Variants in GRIK5 observed in about 807,000 individuals in gnomAD.
GRIK5 encodes glutamate receptor ionotropic, kainate 5.
In GRIK5, 43 loss-of-function variants were observed where a neutral mutation model predicts 97.4. That is an observed-to-expected ratio of 0.44 (90% CI 0.35 to 0.57). GRIK5 has a LOEUF of 0.57. Among genes scored for constraint, GRIK5 ranks in the 20% least tolerant of loss-of-function variants. The probability of loss-of-function intolerance (pLI) is 0.01; values close to 1 mark genes in which losing one functional copy is unlikely to be tolerated. For missense variants in GRIK5, 1,015 were observed against 1,382.0 expected, an observed-to-expected ratio of 0.73 and a Z score of 4.21; for synonymous variants, 580 against 583.5, an observed-to-expected ratio of 0.99 and a Z score of 0.09.
intron 11 of GRIK5, among the ~76,000 whole-genome samples, chr19:42,050,182 A>G (rs975829274): frequency 1.5e-4 from 23 of 152,222 alleles, no homozygotes; most frequent in African/African-American, 5.1e-4. Context: ...CTCCCGCCTC[A>G]GTCTCCCAAA....
At chr19:42,035,444 C>T (rs1199344762) in intron 12 of GRIK5, among the ~76,000 whole-genome samples, 2 of 152,122 alleles carry the variant, frequency 1.3e-5, no homozygotes, top group Non-Finnish European at 2.9e-5. Flanking sequence ...TGGTGGCTTA[C>T]GCCTTTAATC....
At chr19:42,046,700 T>A (rs981227200) in intron 11 of GRIK5, among the ~76,000 whole-genome samples, 10 of 152,184 alleles carry the variant, frequency 6.6e-5, no homozygotes, top group African/African-American at 2.4e-4. Flanking sequence ...AATATGCTAC[T>A]CTTTGTTAAA....
At chr19:42,036,045 CTTTATTTA>C (rs1019913691) in intron 12 of GRIK5, among the ~76,000 whole-genome samples, 1 of 151,876 alleles carries the variant, frequency 6.6e-6, no homozygotes, top group African/African-American at 2.4e-5. Context: ...ATGAAATGGA[CTTTATTTA>C]TTTATTTATT....
In GRIK5 at chr19:42,042,631, C is replaced by T. The variant is rs776862511; in HGVS notation, c.1394G>A (p.Arg465Gln). The T allele has an allele frequency of 6.2e-6, 10 of 1,613,228 alleles. No individual in the cohort carries two copies. Among genetic ancestry groups the T allele is most frequent in the African/African-American group, 2.7e-5 (2 of 74,942 alleles). Residue 465 changes from arginine (R) to glutamine (Q), a missense_variant, in exon 12 of 20, where the codon CGG (arginine) becomes CAG (glutamine). Physicochemically the swap from Arg to Gln is conservative, Grantham distance 43. Around this residue, in one of 5 missense-constraint regions of GRIK5, gnomAD observed 477 missense variants for 701.1 expected, o/e 0.68. Transcript: ENST00000593562. The surrounding 1 kb of genome is among the most constrained non-coding windows in gnomAD (Gnocchi z 6.9). ...CCCGTACAGCCCATCCTCCACCAAC[C>T]GCAGGCGGTAGCGGAAGCGCAGCAG... ...AELLRFRYRL[R>Q]LVEDGLYGAP...
At position 42,056,992 on chromosome 19, in the gene GRIK5, G is replaced by T. The variant is rs1160743189; in HGVS notation, c.688-14C>A. On this transcript the variant is annotated splice_polypyrimidine_tract_variant and intron_variant, in intron 6 of 19. Coordinates refer to ENST00000593562, the MANE Select transcript of GRIK5 (RefSeq NM_002088.5). Reference sequence around the variant, plus strand: ...CAGTTCCGAGGCCTGGAAAACACAGGAGGCAAAGAGGCAGAGTGAGAGACA... The same window carrying T: ...CAGTTCCGAGGCCTGGAAAACACAGTAGGCAAAGAGGCAGAGTGAGAGACA... The T allele has an allele frequency of 1.3e-6, 2 of 1,548,524 alleles. No individual in the cohort carries two copies. The highest frequency in any genetic ancestry group is 1.7e-6 in the Non-Finnish European group (2 of 1,143,760).
rs371795867 is a variant in GRIK5 at position 42,056,048 on chromosome 19, C to T, written c.903+614G>A. On this transcript the variant is annotated intron_variant, in intron 8 of 19. Transcript: ENST00000593562. ...TCGCCCAGGCTGGAGTGCAATGGCA[C>T]GATCTCAGCTCACTGCAACCTCCGC... Among the ~76,000 whole-genome samples, 14 of 151,454 alleles carry T rather than the reference C, an allele frequency of 9.2e-5. 1 individual carries two copies. In the East Asian group the frequency reaches 1.2e-3, roughly 13 times the overall value.
rs1354612046 is a variant in GRIK5, at chr19:42,069,703, CAGG to C, written c.-516_-514del. Among the ~76,000 whole-genome samples, 2 of 131,774 alleles carry C rather than the reference CAGG, an allele frequency of 1.5e-5. No homozygotes were observed. The highest frequency in any genetic ancestry group is 3.0e-5 in the African/African-American group (1 of 33,894). 86.4% of individuals were successfully genotyped at this position (131,774 alleles called of 152,430 possible). On this transcript the variant is annotated 5_prime_UTR_variant, in exon 1 of 20. Transcript: ENST00000593562. Reference sequence around the variant, plus strand: ...GGGTGGAGAAAAGGAAGCCGGCCATCAGGAGAAGTGGGGGAGGGGAGGGCCTGC... The same window carrying C: ...GGGTGGAGAAAAGGAAGCCGGCCATCAGAAGTGGGGGAGGGGAGGGCCTGC...
chr19:42,049,107 A>G lies in GRIK5; in HGVS notation c.1269+4495T>C, dbSNP rs563026858. Among the ~76,000 whole-genome samples the G allele has an allele frequency of 2.0e-5, 3 of 152,330 alleles. No homozygotes were observed. The East Asian group carries it at 5.8e-4, about 29-fold the overall frequency. ...AAAAAGGTGTTCTCCCTTCCTGATC[A>G]TTAGGGAAATGCAAATGAAAACCAC... is the stretch of plus-strand genomic sequence containing the variant. On this transcript the variant is annotated intron_variant, in intron 11 of 19. Transcript: ENST00000593562.
In GRIK5 at chr19:42,042,708, C is replaced by A. The variant is rs377361506; in HGVS notation, c.1317G>T (p.Gly439=). Residue 439 remains glycine, a synonymous_variant, in exon 12 of 20, where the codon GGG becomes GGT. Coordinates refer to ENST00000593562, the MANE Select transcript of GRIK5 (RefSeq NM_002088.5). This position sits in a 1 kb window ranked among gnomAD's most constrained non-coding sequence, Gnocchi z 6.9. ...CGCAGAAGCCCTCGAAGCGTTCGTT[C>A]CCCGACAGGGCCTGGAAGTTGGGCC... The part of the protein sequence containing the change: ...MRRPNFQALS[G]NERFEGFCVD... The A allele has an allele frequency of 5.1e-5, 82 of 1,613,652 alleles. 1 individual carries two copies. In the South Asian group the frequency reaches 8.8e-4, roughly 17 times the overall value.
Position 42,003,473 on chromosome 19 carries a change from G to GT in GRIK5, c.2393-21_2393-20insA. 1 of 1,613,056 alleles carries GT rather than the reference G, an allele frequency of 6.2e-7. No homozygotes were observed. Among genetic ancestry groups the GT allele is most frequent in the Non-Finnish European group, 8.5e-7 (1 of 1,179,218 alleles). Reference sequence around the variant, plus strand: ...CCAAACCTGGAGGGCGAAGGGAGTTGGGGGGCAAAGGGAGTTGGGGCTGTG... The same window carrying GT: ...CCAAACCTGGAGGGCGAAGGGAGTTGTGGGGGCAAAGGGAGTTGGGGCTGTG... On this transcript the variant is annotated intron_variant, in intron 18 of 19. Coordinates refer to ENST00000593562, the MANE Select transcript of GRIK5 (RefSeq NM_002088.5). The surrounding 1 kb of genome is among the most constrained non-coding windows in gnomAD (Gnocchi z 4.2).
At chr19:42,017,738 C>T (rs568465104) in intron 15 of GRIK5, among the ~76,000 whole-genome samples, 5 of 152,212 alleles carry the variant, frequency 3.3e-5, no homozygotes, top group South Asian at 2.1e-4. Flanking sequence ...GTCGCATGTG[C>T]GCCTGGTGCA....
chr19:42,016,576 G>A (rs2075627081), intron 15 of GRIK5, among the ~76,000 whole-genome samples: 1 of 152,262 alleles, frequency 6.6e-6, no homozygotes, highest in Non-Finnish European at 1.5e-5. Context: ...CAGACTGGGA[G>A]TCAGATTTGG....
At chr19:42,051,413 A>G (rs557455361) in intron 11 of GRIK5, among the ~76,000 whole-genome samples, 4 of 152,144 alleles carry the variant, frequency 2.6e-5, no homozygotes, top group South Asian at 2.1e-4. Context: ...AGCATCCCTC[A>G]TGGGCCAACA....
intron 11 of GRIK5, among the ~76,000 whole-genome samples, chr19:42,044,661 C>T (rs1264436162): frequency 6.6e-6 from 1 of 152,210 alleles, no homozygotes; most frequent in Non-Finnish European, 1.5e-5. Flanking sequence ...TTAAAATATA[C>T]ACAATGAGCC....
At chr19:42,047,422 G>C (rs2076055898) in intron 11 of GRIK5, among the ~76,000 whole-genome samples, 1 of 151,730 alleles carries the variant, frequency 6.6e-6, no homozygotes, top group Admixed American at 6.6e-5. Flanking sequence ...GAGTCAAGAA[G>C]AACCAAAGTA....
At position 42,002,311 on chromosome 19, in the gene GRIK5, G is replaced by C. The variant is rs1159907003; in HGVS notation, c.2514+1021C>G. 1 of 717,544 alleles carries C rather than the reference G, an allele frequency of 1.4e-6. No homozygotes were observed. The highest frequency in any genetic ancestry group is 2.0e-5 in the Admixed American group (1 of 50,002). 44.4% of individuals were successfully genotyped at this position (717,544 alleles called of 1,614,324 possible). A position where few individuals can be genotyped will look rare whatever the true frequency, so the allele number is the denominator to read the frequency against. The stretch of plus-strand genomic sequence containing the variant: ...GCTGGGAGGGAAAGTGAGGTCAGGA[G>C]AGGGTTTAAGACTGGAGAAATGACA... On this transcript the variant is annotated intron_variant, in intron 19 of 19. Transcript: ENST00000593562. The surrounding 1 kb of genome is among the most constrained non-coding windows in gnomAD (Gnocchi z 5.2).
Position 42,053,807 on chromosome 19 carries a change from C to T in GRIK5, c.1161+18G>A, listed in dbSNP as rs774024922. 3 of 1,589,210 alleles carry T rather than the reference C, an allele frequency of 1.9e-6. No individual in the cohort carries two copies. In the East Asian group the frequency reaches 6.7e-5, roughly 35 times the overall value. ...CCTCACCCCAGCAGGGCTCTGGCGT[C>T]ACCCTGGGTCTGCTCACCTCACGGT... On this transcript the variant is annotated intron_variant, in intron 10 of 19. Transcript: ENST00000593562.
chr19:42,042,674 G>A lies in GRIK5; in HGVS notation c.1351C>T (p.Leu451=), dbSNP rs779902980. 4.8e-5 allele frequency: 78 copies of A among 1,613,454 alleles called. No homozygotes were observed. The highest frequency in any genetic ancestry group is 6.4e-5 in the Non-Finnish European group (75 of 1,179,976). ...CGCAGCAGCTCGGCCAGCTCCCGCAGCATGTCCACGCAGAAGCCCTCGAAG... is the reference window on the plus strand; with the variant it reads ...CGCAGCAGCTCGGCCAGCTCCCGCAACATGTCCACGCAGAAGCCCTCGAAG... ...ERFEGFCVDM[L]RELAELLRFR... The change falls in exon 12 of 20, where the codon CTG becomes TTG. Residue 451 remains leucine, a synonymous_variant. Coordinates refer to ENST00000593562, the MANE Select transcript of GRIK5 (RefSeq NM_002088.5). The surrounding 1 kb of genome is among the most constrained non-coding windows in gnomAD (Gnocchi z 6.9).
chr19:42,054,193 G>T, intron 9 of GRIK5, 127 bp downstream of exon 9: 1 of 1,004,954 alleles, frequency 1.0e-6, no homozygotes, highest in Non-Finnish European at 1.5e-6. Flanking sequence ...GCCAGGAGTG[G>T]ACAGGGGAGG....
Sources: allele counts gnomAD v4.1 joint callset (sites outside exome capture counted in the v4.1 genomes callset), GRCh38; gene constraint gnomAD v4.1.1; regional missense constraint gnomAD v4.1.1; non-coding constraint Gnocchi (gnomAD v3.1); transcripts MANE v1.5; gene names NCBI Gene and HGNC (gene_info 2026-07-23, HGNC 2026-07-21).